CNTNAP2: variants seen among roughly 807,000 people sequenced by gnomAD.
The protein encoded by CNTNAP2 is contactin-associated protein-like 2.
In CNTNAP2, 98 loss-of-function variants were observed where a neutral mutation model predicts 155.2. The observed-to-expected ratio is 0.63, with a 90% CI of 0.54 to 0.75. The LOEUF (loss-of-function observed/expected upper bound fraction) is 0.75. Among genes scored for constraint, CNTNAP2 ranks in the 30% least tolerant of loss-of-function variants. The pLI is 0.00. For synonymous variants in CNTNAP2, 651 were observed against 631.2 expected, an observed-to-expected ratio of 1.03 and a Z score of -0.47; for missense variants, 1,727 against 1,688.1, an observed-to-expected ratio of 1.02 and a Z score of -0.40.
chr7:146,517,162 C>G (rs1456865342), intron 1 of CNTNAP2, among the ~76,000 whole-genome samples: 1 of 151,962 alleles, frequency 6.6e-6, no homozygotes, highest in Non-Finnish European at 1.5e-5. Flanking sequence ...CTGTACAGGC[C>G]ACCTGCCTGT....
rs1388725157 is a variant in CNTNAP2, at chr7:146,721,776, T to TCTATATATAGTCTACATATATAGA, written c.98-52480_98-52457dup. On this transcript the variant is annotated intron_variant, in intron 1 of 23. Coordinates refer to ENST00000361727, the MANE Select transcript of CNTNAP2 (RefSeq NM_014141.6). ...TTCTATATATAGTCTACATATATATTCTATATATAGTCTACATATATAGAC... is the reference window on the plus strand; with the variant it reads ...TTCTATATATAGTCTACATATATATTCTATATATAGTCTACATATATAGACTATATATAGTCTACATATATAGAC... 1.9e-3 allele frequency among the ~76,000 whole-genome samples: 235 copies of TCTATATATAGTCTACATATATAGA among 123,538 alleles called. 1 individual carries two copies. Among genetic ancestry groups the TCTATATATAGTCTACATATATAGA allele is most frequent in the Non-Finnish European group, 3.3e-3 (207 of 62,970 alleles). 81.0% of individuals were successfully genotyped at this position (123,538 alleles called of 152,430 possible).
chr7:147,813,316 G>A (rs988604065), intron 13 of CNTNAP2, among the ~76,000 whole-genome samples: 2 of 152,142 alleles, frequency 1.3e-5, no homozygotes, highest in Admixed American at 6.5e-5. Flanking sequence ...CATTCCCTTG[G>A]CAAGTCAATG....
In CNTNAP2 at chr7:146,256,739, T is replaced by C. The variant is rs556456198; in HGVS notation, c.97+139766T>C. ...ACTTTCTTTTACCCATAAAATCCCA[T>C]GCCTTACCACAACACGGCAATGCAG... On this transcript the variant is annotated intron_variant, in intron 1 of 23. Coordinates refer to ENST00000361727, the MANE Select transcript of CNTNAP2 (RefSeq NM_014141.6). Among the ~76,000 whole-genome samples the C allele has an allele frequency of 7.0e-4, 107 of 152,132 alleles. 2 individuals are homozygous for C. Among genetic ancestry groups the C allele is most frequent in the Middle Eastern group, 6.8e-3 (2 of 294 alleles).
At chr7:147,074,743 C>A (rs951851600) in intron 4 of CNTNAP2, among the ~76,000 whole-genome samples, 6 of 151,912 alleles carry the variant, frequency 3.9e-5, no homozygotes, top group Admixed American at 2.6e-4. Context: ...TAATATTATA[C>A]CCTATATCAG....
At chr7:147,148,570 G>C (rs1801760422) in intron 8 of CNTNAP2, among the ~76,000 whole-genome samples, 1 of 152,182 alleles carries the variant, frequency 6.6e-6, no homozygotes, top group Non-Finnish European at 1.5e-5. Flanking sequence ...TGAAGCTGCG[G>C]ACCCTCACAG....
At chr7:148,364,128 C>T (rs756493678) in intron 21 of CNTNAP2, among the ~76,000 whole-genome samples, 11 of 152,196 alleles carry the variant, frequency 7.2e-5, no homozygotes, top group Non-Finnish European at 1.6e-4. Flanking sequence ...CGAGCCTCCC[C>T]GACGAGCGCC....
At chr7:147,684,145 T>C (rs1234412738) in intron 13 of CNTNAP2, among the ~76,000 whole-genome samples, 1 of 151,820 alleles carries the variant, frequency 6.6e-6, no homozygotes, top group Non-Finnish European at 1.5e-5. Context: ...ACAGATACAA[T>C]TTTTCAACAA....
At chr7:148,362,519 TTGTGGCGC>T (rs926271409) in intron 21 of CNTNAP2, among the ~76,000 whole-genome samples, 15 of 152,190 alleles carry the variant, frequency 9.9e-5, no homozygotes, top group African/African-American at 2.7e-4. Context: ...GTGGCCACCC[TTGTGGCGC>T]TGAGGTGCTG....
intron 15 of CNTNAP2, among the ~76,000 whole-genome samples, chr7:148,016,901 G>C (rs1317245480): frequency 6.6e-6 from 1 of 152,102 alleles, no homozygotes; most frequent in Non-Finnish European, 1.5e-5. Flanking sequence ...CAGCTTTCTT[G>C]ACTAATAGAT....
intron 1 of CNTNAP2, among the ~76,000 whole-genome samples, chr7:146,246,821 G>A (rs1799667127): frequency 1.3e-5 from 2 of 152,176 alleles, no homozygotes; most frequent in Admixed American, 1.3e-4. Context: ...TTGGCCTGGT[G>A]GCCAGATTTC....
At chr7:147,256,750 G>A (rs1365225589) in intron 8 of CNTNAP2, among the ~76,000 whole-genome samples, 1 of 152,110 alleles carries the variant, frequency 6.6e-6, no homozygotes, top group East Asian at 1.9e-4. Context: ...TGAGGGGAGT[G>A]GTGGGGAACA....
At chr7:148,342,253 C>T (rs2116582725) in intron 21 of CNTNAP2, among the ~76,000 whole-genome samples, 1 of 152,236 alleles carries the variant, frequency 6.6e-6, no homozygotes, top group South Asian at 2.1e-4. Flanking sequence ...AAATGATGAC[C>T]ATTCTGCCAC....
At chr7:147,913,278 A>C (rs1800099384) in intron 14 of CNTNAP2, among the ~76,000 whole-genome samples, 1 of 152,198 alleles carries the variant, frequency 6.6e-6, no homozygotes, top group African/African-American at 2.4e-5. Context: ...CAGAAAAATC[A>C]CTTCGCAAGG....
intron 9 of CNTNAP2, among the ~76,000 whole-genome samples, chr7:147,336,810 GT>G (rs1173371322): frequency 6.6e-6 from 1 of 152,068 alleles, no homozygotes; most frequent in East Asian, 1.9e-4. Flanking sequence ...CCATGGTACT[GT>G]TTTTCATAGC....
At chr7:146,189,654 C>T (rs1458590975) in intron 1 of CNTNAP2, among the ~76,000 whole-genome samples, 2 of 151,990 alleles carry the variant, frequency 1.3e-5, no homozygotes, top group African/African-American at 2.4e-5. Context: ...CTGGTTTGAC[C>T]TTTTAGCAAG....
At chr7:147,343,243 T>C (rs937561237) in intron 9 of CNTNAP2, among the ~76,000 whole-genome samples, 42 of 152,140 alleles carry the variant, frequency 2.8e-4, no homozygotes, top group Non-Finnish European at 2.8e-4. Context: ...TACCGTGTTT[T>C]TTTCAATATA....
Position 148,418,924 on chromosome 7 carries a change from C to G in CNTNAP2, c.*3308C>G, listed in dbSNP as rs1585366419. The G allele has an allele frequency of 6.6e-6, 1 of 152,230 alleles. No individual in the cohort carries two copies. The highest frequency in any genetic ancestry group is 2.4e-5 in the African/African-American group (1 of 41,460). 9.4% of individuals were successfully genotyped at this position (152,230 alleles called of 1,614,324 possible). A position where few individuals can be genotyped will look rare whatever the true frequency, so the allele number is the denominator to read the frequency against. ...AGCCAAAGAGTCTGTCTTAATGTTA[C>G]TTTTGAAAATCTGCTGAGCGGCCAC... On this transcript the variant is annotated 3_prime_UTR_variant, in exon 24 of 24. Coordinates refer to ENST00000361727, the MANE Select transcript of CNTNAP2 (RefSeq NM_014141.6).
intron 16 of CNTNAP2, 126 bp downstream of exon 16, chr7:148,118,414 T>A: frequency 2.8e-6 from 3 of 1,055,064 alleles, no homozygotes; most frequent in Non-Finnish European, 4.2e-6. Flanking sequence ...GGAGCAGGAC[T>A]AGAGGTGGAC....
chr7:147,000,758 T>C (rs1278917023), intron 3 of CNTNAP2, among the ~76,000 whole-genome samples: 2 of 152,092 alleles, frequency 1.3e-5, no homozygotes, highest in Non-Finnish European at 2.9e-5. Context: ...TTGAAGCCCA[T>C]AGTTGCTGAG....
Sources: gnomAD v4.1 joint callset for allele counts (sites outside exome capture counted in the v4.1 genomes callset) on GRCh38, gnomAD v4.1.1 for gene constraint, MANE v1.5 for transcripts, NCBI Gene and HGNC (gene_info 2026-07-23, HGNC 2026-07-21) for gene names.